Variants in RBFOX1 observed in about 807,000 individuals in gnomAD.
RBFOX1 encodes the protein RNA binding protein fox-1 homolog 1.
Under a neutral mutation model 57.7 loss-of-function variants are expected in RBFOX1, and 8 were observed. The observed-to-expected ratio is 0.14, with a 90% CI of 0.08 to 0.25. The LOEUF (loss-of-function observed/expected upper bound fraction) is 0.25. Among genes scored for constraint, RBFOX1 ranks in the 10% least tolerant of loss-of-function variants. RBFOX1 has a pLI of 1.00. For synonymous variants in RBFOX1, 326 were observed against 222.4 expected, an observed-to-expected ratio of 1.47 and a Z score of -4.15; for missense variants, 611 against 548.5, an observed-to-expected ratio of 1.11 and a Z score of -1.14.
chr16:5,793,751 G>A (rs898998230), intron 3 of RBFOX1, among the ~76,000 whole-genome samples: 4 of 152,124 alleles, frequency 2.6e-5, no homozygotes, highest in African/African-American at 9.7e-5. Context: ...CTTCGTGTGT[G>A]TGTGTGCATG....
chr16:7,546,842 T>A (rs915656375), intron 5 of RBFOX1, among the ~76,000 whole-genome samples: 2 of 152,244 alleles, frequency 1.3e-5, no homozygotes, highest in Non-Finnish European at 2.9e-5. Context: ...AAATATCACC[T>A]TGATGAATTT....
chr16:6,067,949 T>A (rs2095788380), intron 1 of RBFOX1, among the ~76,000 whole-genome samples: 1 of 152,218 alleles, frequency 6.6e-6, no homozygotes. Flanking sequence ...AGTATCCAAC[T>A]AGCCTTTGTG....
chr16:6,450,810 T>TATACGTATAC (rs1567303304), intron 2 of RBFOX1, among the ~76,000 whole-genome samples: 1 of 18,820 alleles, frequency 5.3e-5, no homozygotes, highest in African/African-American at 3.6e-4. Flanking sequence ...TGTATATATA[T>TATACGTATAC]ATATATACAT....
At chr16:5,540,312 A>G (rs2044877374) in intron 2 of RBFOX1, among the ~76,000 whole-genome samples, 1 of 152,168 alleles carries the variant, frequency 6.6e-6, no homozygotes, top group Admixed American at 6.5e-5. Flanking sequence ...ATGTTCATAT[A>G]TGTTTGGAAA....
At chr16:7,520,039 C>T (rs2077195528) in intron 5 of RBFOX1, among the ~76,000 whole-genome samples, 1 of 152,112 alleles carries the variant, frequency 6.6e-6, no homozygotes, top group Non-Finnish European at 1.5e-5. Context: ...GCACCCGCCA[C>T]CATGTCCGGC....
chr16:7,244,361 C>G (rs1208633505), intron 4 of RBFOX1, among the ~76,000 whole-genome samples: 1 of 152,036 alleles, frequency 6.6e-6, no homozygotes, highest in Non-Finnish European at 1.5e-5. Context: ...TCTTCAAACC[C>G]TCAAGATGCA....
intron 2 of RBFOX1, among the ~76,000 whole-genome samples, chr16:6,328,799 A>G (rs1288991065): frequency 1.3e-5 from 2 of 152,154 alleles, no homozygotes; most frequent in Non-Finnish European, 2.9e-5. Flanking sequence ...AATGGGACCC[A>G]AGGAGTATAG....
rs574760814 is a variant in RBFOX1 at position 7,093,302 on chromosome 16, A to G, written c.27+41204A>G. 3.9e-5 allele frequency among the ~76,000 whole-genome samples: 6 copies of G among 152,290 alleles called. No homozygotes were observed. In the South Asian group the frequency reaches 1.0e-3, roughly 26 times the overall value. ...CCCTTATCTTTCTTGACTGTGATGTATACTGAGCTTGCCTCTCTTGTCTGT... is the reference window on the plus strand; with the variant it reads ...CCCTTATCTTTCTTGACTGTGATGTGTACTGAGCTTGCCTCTCTTGTCTGT... On this transcript the variant is annotated intron_variant, in intron 4 of 15. Transcript: ENST00000550418.
At chr16:6,202,142 C>G (rs962575742) in intron 1 of RBFOX1, among the ~76,000 whole-genome samples, 14 of 152,222 alleles carry the variant, frequency 9.2e-5, no homozygotes, top group Non-Finnish European at 1.9e-4. Context: ...TAACCAGTTT[C>G]TAACGGAGCA....
chr16:6,265,330 C>T (rs963793077), intron 1 of RBFOX1, among the ~76,000 whole-genome samples: 5 of 152,088 alleles, frequency 3.3e-5, no homozygotes, highest in Admixed American at 6.5e-5. Flanking sequence ...GGTGCAGTCT[C>T]GGCTCACTAC....
At chr16:6,819,462 G>A (rs980965013) in intron 3 of RBFOX1, among the ~76,000 whole-genome samples, 1 of 152,122 alleles carries the variant, frequency 6.6e-6, no homozygotes, top group African/African-American at 2.4e-5. Flanking sequence ...CCAGTACTTA[G>A]GGAGGCCCAG....
chr16:6,272,056 A>G (rs1253895317), intron 1 of RBFOX1, among the ~76,000 whole-genome samples: 1 of 152,202 alleles, frequency 6.6e-6, no homozygotes, highest in Non-Finnish European at 1.5e-5. Context: ...CAAAATATTA[A>G]CAAATAGAAT....
At chr16:5,780,505 A>G (rs1597223333) in intron 3 of RBFOX1, among the ~76,000 whole-genome samples, 1 of 152,342 alleles carries the variant, frequency 6.6e-6, no homozygotes, top group East Asian at 1.9e-4. Context: ...GTTGTATACC[A>G]TAGATATATA....
chr16:6,004,157 C>G (rs539146353), intron 4 of RBFOX1, among the ~76,000 whole-genome samples: 1 of 152,124 alleles, frequency 6.6e-6, no homozygotes, highest in East Asian at 1.9e-4. Flanking sequence ...TGTAACAAAC[C>G]TGCACGTCTT....
intron 2 of RBFOX1, among the ~76,000 whole-genome samples, chr16:6,496,518 G>C (rs981209425): frequency 6.6e-6 from 1 of 152,148 alleles, no homozygotes; most frequent in Non-Finnish European, 1.5e-5. Context: ...AATTTTGCCT[G>C]CCCACTTGAA....
intron 1 of RBFOX1, among the ~76,000 whole-genome samples, chr16:5,249,421 C>G (rs1416163369): frequency 6.6e-6 from 1 of 152,162 alleles, no homozygotes; most frequent in Non-Finnish European, 1.5e-5. Context: ...GAAAGCCTGT[C>G]GGCTTAAGTT....
At chr16:7,509,429 T>C (rs1227673005) in intron 4 of RBFOX1, among the ~76,000 whole-genome samples, 2 of 146,172 alleles carry the variant, frequency 1.4e-5, no homozygotes, top group Non-Finnish European at 3.1e-5. Context: ...TGTGTGTGTG[T>C]GTCTGTGTCT....
At chr16:5,707,078 T>G (rs1395595938) in intron 3 of RBFOX1, among the ~76,000 whole-genome samples, 1 of 152,082 alleles carries the variant, frequency 6.6e-6, no homozygotes, top group South Asian at 2.1e-4. Context: ...CACAAACACA[T>G]GAGAAACACC....
At chr16:6,579,057 A>G (rs530765626) in intron 2 of RBFOX1, among the ~76,000 whole-genome samples, 1 of 152,142 alleles carries the variant, frequency 6.6e-6, no homozygotes, top group Non-Finnish European at 1.5e-5. Flanking sequence ...AAAATAACAA[A>G]TAATTTTTGA....
Sources: allele counts gnomAD v4.1 joint callset (sites outside exome capture counted in the v4.1 genomes callset), GRCh38; gene constraint gnomAD v4.1.1; transcripts MANE v1.5; gene names NCBI Gene and HGNC (gene_info 2026-07-23, HGNC 2026-07-21).